The following TMEM163 variants were observed in gnomAD, a reference collection of about 807,000 sequenced individuals.
The protein encoded by TMEM163 is transmembrane protein 163.
In TMEM163, 17 loss-of-function variants were observed where a neutral mutation model predicts 29.3. The ratio of observed to expected loss-of-function variants is 0.58; its 90% confidence interval spans 0.40 to 0.87. The LOEUF (loss-of-function observed/expected upper bound fraction) is 0.87. Among genes scored for constraint, TMEM163 ranks in the 40% least tolerant of loss-of-function variants. TMEM163 has a pLI of 0.00. For missense variants in TMEM163, 303 were observed against 381.5 expected (o/e 0.79, Z 1.71); for synonymous variants, 157 against 160.6 (o/e 0.98, Z 0.17).
At chr2:134,595,061 A>G (rs1159771325) in intron 2 of TMEM163, among the ~76,000 whole-genome samples, 7 of 152,050 alleles carry the variant, frequency 4.6e-5, no homozygotes, top group Admixed American at 2.0e-4. Flanking sequence ...TGTATGATCA[A>G]TTATACATAA....
intron 5 of TMEM163, among the ~76,000 whole-genome samples, chr2:134,474,756 T>G (rs1686878095): frequency 1.3e-5 from 2 of 151,252 alleles, no homozygotes; most frequent in Admixed American, 1.3e-4. Flanking sequence ...GAAATACTAT[T>G]TAAAGTAGCA....
chr2:134,636,904 G>C lies in TMEM163; in HGVS notation c.322+76296C>G, dbSNP rs1002926385. Among the ~76,000 whole-genome samples the C allele has an allele frequency of 3.3e-5, 5 of 152,242 alleles. No individual in the cohort carries two copies. The East Asian group carries it at 9.7e-4, about 29-fold the overall frequency. ...CACAGGAACTGACTCAGGGCAAAAG[G>C]ACAGCTTAAACTCCCTATGATTTCA... is the stretch of plus-strand genomic sequence containing the variant. On this transcript the variant is annotated intron_variant, in intron 2 of 7. Coordinates refer to ENST00000281924, the MANE Select transcript of TMEM163 (RefSeq NM_030923.5).
chr2:134,645,181 A>T (rs1011293985), intron 2 of TMEM163, among the ~76,000 whole-genome samples: 2 of 152,260 alleles, frequency 1.3e-5, no homozygotes, highest in Admixed American at 6.5e-5. Context: ...AAAATGGTAT[A>T]ACCAGTCTTG....
intron 2 of TMEM163, among the ~76,000 whole-genome samples, chr2:134,605,915 A>G (rs1553485113): frequency 6.6e-6 from 1 of 152,212 alleles, no homozygotes; most frequent in Non-Finnish European, 1.5e-5. Context: ...TATATACATT[A>G]CATACACACA....
Position 134,455,947 on chromosome 2 carries a change from CA to C in TMEM163, c.*768del, listed in dbSNP as rs1260128424. ...CATCTCTCACAGACTGTAATGTACC[CA>C]TTACCACTTAACACAGCATATAGAT... On this transcript the variant is annotated 3_prime_UTR_variant, in exon 8 of 8. Transcript: ENST00000281924. 6.6e-6 allele frequency: 1 copy of C among 150,892 alleles called. No individual in the cohort carries two copies. The allele number at this position is 150,892 out of a possible 1,614,324, so 9.3% of individuals were successfully genotyped here.
At chr2:134,574,172 G>A (rs1016520363) in intron 2 of TMEM163, among the ~76,000 whole-genome samples, 1 of 152,168 alleles carries the variant, frequency 6.6e-6, no homozygotes, top group Non-Finnish European at 1.5e-5. Context: ...GCAACAGAGC[G>A]GGTGCATACT....
intron 4 of TMEM163, among the ~76,000 whole-genome samples, chr2:134,504,681 A>G (rs1357827994): frequency 5.9e-5 from 9 of 152,172 alleles, no homozygotes; most frequent in Non-Finnish European, 1.0e-4. Context: ...GCCATCCTAC[A>G]GAACCTACAT....
At chr2:134,508,108 G>A (rs771475120) in intron 4 of TMEM163, among the ~76,000 whole-genome samples, 19 of 152,256 alleles carry the variant, frequency 1.2e-4, no homozygotes, top group Non-Finnish European at 2.5e-4. Context: ...TTGTCAGATC[G>A]AAACTTTGGC....
intron 4 of TMEM163, among the ~76,000 whole-genome samples, chr2:134,508,588 A>G (rs1263813518): frequency 1.3e-5 from 2 of 152,094 alleles, no homozygotes; most frequent in Non-Finnish European, 2.9e-5. Context: ...GCTGTGAGCC[A>G]TTCTCTCTTG....
At chr2:134,471,915 C>T (rs1205159460) in intron 5 of TMEM163, among the ~76,000 whole-genome samples, 1 of 152,242 alleles carries the variant, frequency 6.6e-6, no homozygotes, top group Non-Finnish European at 1.5e-5. Context: ...CATCATCTCT[C>T]ATGTCCCTCA....
intron 2 of TMEM163, among the ~76,000 whole-genome samples, chr2:134,573,982 C>T (rs1681492281): frequency 6.6e-6 from 1 of 152,160 alleles, no homozygotes; most frequent in Non-Finnish European, 1.5e-5. Context: ...TATTATGTGG[C>T]CTGTGTTCCA....
chr2:134,528,551 A>G (rs1402012787), intron 4 of TMEM163, among the ~76,000 whole-genome samples: 1 of 152,246 alleles, frequency 6.6e-6, no homozygotes, highest in Non-Finnish European at 1.5e-5. Context: ...CTGGTTAGAC[A>G]AACATTCTGG....
At chr2:134,574,038 C>T (rs1307588278) in intron 2 of TMEM163, among the ~76,000 whole-genome samples, 1 of 152,178 alleles carries the variant, frequency 6.6e-6, no homozygotes, top group Admixed American at 6.5e-5. Context: ...AATTATGTTT[C>T]TAAGAATTTA....
intron 2 of TMEM163, among the ~76,000 whole-genome samples, chr2:134,609,822 G>A (rs1282555761): frequency 7.4e-6 from 1 of 134,408 alleles, no homozygotes; most frequent in Non-Finnish European, 1.6e-5. Context: ...TGAAAAGGAG[G>A]ACAGATCCCG....
At chr2:134,493,983 G>A in intron 5 of TMEM163, among the ~76,000 whole-genome samples, 1 of 152,054 alleles carries the variant, frequency 6.6e-6, no homozygotes, top group East Asian at 1.9e-4. Context: ...ACGTCCTTAG[G>A]AGTACAAAGA....
intron 2 of TMEM163, among the ~76,000 whole-genome samples, chr2:134,596,960 T>C (rs2104806798): frequency 6.6e-6 from 1 of 152,350 alleles, no homozygotes; most frequent in South Asian, 2.1e-4. Flanking sequence ...TGCACATTGA[T>C]TTTGTATCCT....
At chr2:134,679,566 A>G (rs1684186725) in intron 2 of TMEM163, among the ~76,000 whole-genome samples, 1 of 152,230 alleles carries the variant, frequency 6.6e-6, no homozygotes, top group African/African-American at 2.4e-5. Context: ...TGGAAGGAAG[A>G]GCACTTTGTA....
intron 2 of TMEM163, among the ~76,000 whole-genome samples, chr2:134,626,532 G>A (rs1417745821): frequency 6.6e-6 from 1 of 152,116 alleles, no homozygotes; most frequent in African/African-American, 2.4e-5. Context: ...AAGGAGCATT[G>A]TGGTTGCGTT....
At chr2:134,684,691 C>T (rs1191646013) in intron 2 of TMEM163, among the ~76,000 whole-genome samples, 2 of 151,864 alleles carry the variant, frequency 1.3e-5, no homozygotes, top group South Asian at 4.2e-4. Context: ...TTTGGGAGGC[C>T]GAGGCAGGTG....
Sources: allele counts gnomAD v4.1 joint callset (sites outside exome capture counted in the v4.1 genomes callset), GRCh38; gene constraint gnomAD v4.1.1; transcripts MANE v1.5; gene names NCBI Gene and HGNC (gene_info 2026-07-23, HGNC 2026-07-21).